Variants in AKT3 observed in about 807,000 individuals in gnomAD.
AKT3 encodes AKT serine/threonine kinase 3.
In AKT3, 15 loss-of-function variants were observed where a neutral mutation model predicts 65.3. The ratio of observed to expected loss-of-function variants is 0.23; its 90% CI spans 0.15 to 0.35. The LOEUF is 0.35. Among genes scored for constraint, AKT3 ranks in the 10% least tolerant of loss-of-function variants. The probability of loss-of-function intolerance (pLI) is 1.00; values close to 1 mark genes in which losing one functional copy is unlikely to be tolerated. For synonymous variants in AKT3, 206 were observed against 183.8 expected (o/e 1.12, Z -0.98); for missense variants, 243 against 576.5 (o/e 0.42, Z 5.92).
At chr1:243,759,340 T>A (rs201551571) in intron 2 of AKT3, among the ~76,000 whole-genome samples, 843 of 44,576 alleles carry the variant, frequency 0.019, 6 homozygotes, top group African/African-American at 0.028. Flanking sequence ...AAAATTAAAT[T>A]AAATTAAATT....
chr1:243,495,813 C>T (rs1338150318), downstream of AKT3, among the ~76,000 whole-genome samples: 1 of 152,174 alleles, frequency 6.6e-6, no homozygotes, highest in Non-Finnish European at 1.5e-5. Flanking sequence ...TTATTTCATC[C>T]AGGTTGCCTT....
chr1:243,711,444 T>C (rs567814402), intron 2 of AKT3, among the ~76,000 whole-genome samples: 20 of 152,344 alleles, frequency 1.3e-4, no homozygotes, highest in African/African-American at 3.8e-4. Flanking sequence ...TTAAATAATT[T>C]ATTTCCCTCC....
rs188539306 is a variant in AKT3 at position 243,492,584 on chromosome 1, G to A, written c.*7-4134C>T. Among the ~76,000 whole-genome samples the A allele has an allele frequency of 7.2e-4, 105 of 144,946 alleles. 2 individuals carry two copies. The highest frequency in any genetic ancestry group is 1.3e-3 in the Admixed American group (19 of 14,534). On this transcript the variant is annotated intron_variant, in intron 13 of 13. Coordinates refer to the AKT3 transcript ENST00000336199. ...CTCCTAAAGTGCTGGGATTACAGGC[G>A]TGAGCCACTGCGCCCAGCTGTTTTT...
At position 243,731,340 on chromosome 1, in the gene AKT3, G is replaced by C. The variant is rs553370461; in HGVS notation, c.47-35624C>G. Among the ~76,000 whole-genome samples the C allele has an allele frequency of 5.3e-5, 8 of 152,288 alleles. No individual in the cohort carries two copies. The South Asian group carries it at 1.7e-3, about 32-fold the overall frequency. The stretch of plus-strand genomic sequence containing the variant: ...TAAGGCAATAGAGAACAAAGAGTCT[G>C]CAAGAATTTAGAAAACACTTGCTTT... On this transcript the variant is annotated intron_variant, in intron 2 of 13. Transcript: ENST00000673466.
intron 9 of AKT3, among the ~76,000 whole-genome samples, chr1:243,564,981 A>C (rs796570270): frequency 3.9e-5 from 6 of 152,332 alleles, no homozygotes; most frequent in African/African-American, 1.4e-4. Context: ...AAAATATGTT[A>C]TTATACTCTC....
chr1:243,705,584 A>G (rs546581118), intron 2 of AKT3, among the ~76,000 whole-genome samples: 1 of 152,302 alleles, frequency 6.6e-6, no homozygotes, highest in East Asian at 1.9e-4. Flanking sequence ...TACAGTACCC[A>G]GTTTTACTCT....
intron 2 of AKT3, among the ~76,000 whole-genome samples, chr1:243,816,736 A>G (rs539141829): frequency 1.6e-4 from 24 of 152,264 alleles, no homozygotes; most frequent in South Asian, 1.2e-3. Context: ...AACTACAAAC[A>G]TTCATGGAAA....
At chr1:243,569,212 A>G (rs1289764370) in intron 9 of AKT3, among the ~76,000 whole-genome samples, 2 of 152,210 alleles carry the variant, frequency 1.3e-5, no homozygotes, top group Non-Finnish European at 2.9e-5. Context: ...AAACTGAATG[A>G]CCATGGAATG....
At chr1:243,641,572 T>C (rs1680399979) in intron 5 of AKT3, among the ~76,000 whole-genome samples, 1 of 152,028 alleles carries the variant, frequency 6.6e-6, no homozygotes, top group Non-Finnish European at 1.5e-5. Flanking sequence ...ATCTGTAAAA[T>C]GCTTTATGAC....
intron 2 of AKT3, among the ~76,000 whole-genome samples, chr1:243,812,429 T>A (rs907775324): frequency 6.6e-6 from 1 of 152,042 alleles, no homozygotes; most frequent in Non-Finnish European, 1.5e-5. Flanking sequence ...AAAATGCTCA[T>A]CATCACTGGC....
At chr1:243,639,132 G>A (rs769087782) in intron 5 of AKT3, among the ~76,000 whole-genome samples, 45 of 152,156 alleles carry the variant, frequency 3.0e-4, no homozygotes, top group Non-Finnish European at 5.9e-5. Context: ...CACCTTTGAT[G>A]AAATGAACAA....
chr1:243,743,106 G>A (rs760302945), intron 2 of AKT3, among the ~76,000 whole-genome samples: 5 of 152,144 alleles, frequency 3.3e-5, no homozygotes, highest in Admixed American at 6.5e-5. Context: ...CGGAAGGCTC[G>A]AAAATGTAGG....
chr1:243,630,925 G>C (rs1439994197), intron 6 of AKT3, among the ~76,000 whole-genome samples: 1 of 151,608 alleles, frequency 6.6e-6, no homozygotes, highest in African/African-American at 2.4e-5. Flanking sequence ...TACATCAATA[G>C]ACCTGGGCTT....
At chr1:243,697,478 A>G (rs972147208) in intron 2 of AKT3, among the ~76,000 whole-genome samples, 3 of 152,108 alleles carry the variant, frequency 2.0e-5, no homozygotes, top group African/African-American at 7.2e-5. Context: ...TTAGTTTCTA[A>G]AAGGTTAGTT....
intron 2 of AKT3, among the ~76,000 whole-genome samples, chr1:243,719,670 C>G (rs1686751926): frequency 6.6e-6 from 1 of 152,116 alleles, no homozygotes; most frequent in Non-Finnish European, 1.5e-5. Flanking sequence ...GACTGAAGGA[C>G]CTAGAATCCT....
At chr1:243,606,519 T>G (rs1000218654) in intron 8 of AKT3, among the ~76,000 whole-genome samples, 2 of 152,130 alleles carry the variant, frequency 1.3e-5, no homozygotes, top group Middle Eastern at 3.2e-3. Context: ...AGGAGATGAT[T>G]TGGGGGTATC....
intron 8 of AKT3, among the ~76,000 whole-genome samples, chr1:243,580,320 C>T (rs1006407381): frequency 3.3e-5 from 5 of 152,184 alleles, no homozygotes; most frequent in African/African-American, 1.2e-4. Context: ...TCCAAGCAAC[C>T]TAGGCCAAGG....
intron 2 of AKT3, among the ~76,000 whole-genome samples, chr1:243,738,609 C>G (rs961604922): frequency 2.6e-5 from 4 of 151,972 alleles, no homozygotes; most frequent in African/African-American, 9.7e-5. Context: ...TTTATGTGCT[C>G]AAAAGTATAC....
rs144824647 is a variant in AKT3 at position 243,776,342 on chromosome 1, T to C, written c.46+66783A>G. Among the ~76,000 whole-genome samples, 1,056 of 152,312 alleles carry C rather than the reference T, an allele frequency of 6.9e-3. 10 individuals carry two copies. Among genetic ancestry groups the C allele is most frequent in the South Asian group, 0.012 (60 of 4,822 alleles). On this transcript the variant is annotated intron_variant, in intron 2 of 13. Coordinates refer to ENST00000673466, the MANE Select transcript of AKT3 (RefSeq NM_005465.7). ...TAAAGACTGTAACAAAATCCGTATG[T>C]TGAAACGCTAACCCCCTAGTGTGAT... is the stretch of plus-strand genomic sequence containing the variant.
Sources: allele counts gnomAD v4.1 joint callset (sites outside exome capture counted in the v4.1 genomes callset), GRCh38; gene constraint gnomAD v4.1.1; transcripts MANE v1.5; gene names NCBI Gene and HGNC (gene_info 2026-07-23, HGNC 2026-07-21).